Variants in RAD21 observed in about 807,000 individuals in gnomAD.
RAD21 encodes RAD21 cohesin complex component.
Under a neutral mutation model 71.5 loss-of-function variants are expected in RAD21, and 18 were observed. The observed-to-expected ratio is 0.25, with a 90% confidence interval of 0.17 to 0.37. RAD21 has a LOEUF of 0.37. Among genes scored for constraint, RAD21 ranks in the 10% least tolerant of loss-of-function variants. The pLI is 1.00. For synonymous variants in RAD21, 248 were observed against 254.0 expected (o/e 0.98, Z 0.22); for missense variants, 493 against 769.1 (o/e 0.64, Z 4.25).
intron 13 of RAD21, 194 bp downstream of exon 13, chr8:116,848,752 A>G (rs1812294603): frequency 2.3e-6 from 1 of 433,316 alleles, no homozygotes; most frequent in Admixed American, 4.3e-5. Flanking sequence ...ATTAAAACTT[A>G]AACTATAATA....
chr8:116,873,268 T>TA lies in RAD21; in HGVS notation c.-33+1342dup, dbSNP rs5894356. Among the ~76,000 whole-genome samples the TA allele has an allele frequency of 2.1e-3, 319 of 152,074 alleles. 3 individuals are homozygous for TA. Among genetic ancestry groups the TA allele is most frequent in the Non-Finnish European group, 3.1e-3 (214 of 67,960 alleles). ...TTCTTTTGTAATTCTGACTTGTGTA[T>TA]AAAAAAAAGCACTATGTCTATTAGT... is the stretch of plus-strand genomic sequence containing the variant. On this transcript the variant is annotated intron_variant, in intron 1 of 13. Transcript: ENST00000297338.
At chr8:116,856,358 G>C (rs1360489043) in intron 7 of RAD21, 70 bp from the exon 8 acceptor site, 1 of 1,353,932 alleles carries the variant, frequency 7.4e-7, no homozygotes, top group East Asian at 2.7e-5. Context: ...CCACAAATGG[G>C]GAGGAGAAAA....
intron 13 of RAD21, 76 bp from the exon 14 acceptor site, chr8:116,847,767 G>T: frequency 1.5e-6 from 2 of 1,312,080 alleles, no homozygotes; most frequent in Non-Finnish European, 2.1e-6. Context: ...GATACAGTTT[G>T]AATATTTGTC....
chr8:116,861,143 T>A (rs1346784610), intron 4 of RAD21, among the ~76,000 whole-genome samples: 1 of 151,976 alleles, frequency 6.6e-6, no homozygotes, highest in African/African-American at 2.4e-5. Context: ...ACAAAATAGG[T>A]CATAACTTAC....
intron 1 of RAD21, among the ~76,000 whole-genome samples, chr8:116,873,478 T>A (rs1348798): frequency 0.7 from 106,847 of 152,128 alleles, 38,759 homozygotes; most frequent in African/African-American, 0.89. Context: ...AGACTCGCAC[T>A]GCCCGCTGGC....
intron 3 of RAD21, 115 bp downstream of exon 3, chr8:116,863,015 T>G: frequency 7.5e-7 from 1 of 1,340,560 alleles, no homozygotes; most frequent in Non-Finnish European, 1.0e-6. Context: ...TCCTCGTATT[T>G]CAATTAAAAC....
intron 5 of RAD21, 77 bp downstream of exon 5, chr8:116,858,275 T>A: frequency 9.0e-7 from 1 of 1,111,082 alleles, no homozygotes; most frequent in African/African-American, 1.6e-5. Flanking sequence ...GTCTATAGTC[T>A]GGTTTTCTTT....
rs749653916 is a variant in RAD21 at position 116,850,736 on chromosome 8, G to C, written c.1502C>G (p.Pro501Arg). Reference sequence around the variant, plus strand: ...AGGTTCTTCTGGGGGAAGCTCTACAGGTGGTATTTCCATCTGCTCTACCTG... The same window carrying C: ...AGGTTCTTCTGGGGGAAGCTCTACACGTGGTATTTCCATCTGCTCTACCTG... Reference protein sequence around the residue: ...PQQVEQMEIPPVELPPEEPPN... With the variant: ...PQQVEQMEIPRVELPPEEPPN... The change falls in exon 12 of 14, where the codon CCT becomes CGT. Residue 501 changes from proline (P) to arginine (R), a missense_variant. Pro to Arg is a moderately radical substitution (Grantham distance 103). Transcript: ENST00000297338. 6.2e-7 allele frequency: 1 copy of C among 1,612,592 alleles called. No individual in the cohort carries two copies. Among genetic ancestry groups the C allele is most frequent in the South Asian group, 1.1e-5 (1 of 91,040 alleles).
chr8:116,861,122 C>G (rs1812584120), intron 4 of RAD21, among the ~76,000 whole-genome samples: 1 of 152,056 alleles, frequency 6.6e-6, no homozygotes, highest in Admixed American at 6.6e-5. Context: ...CTAATCAACA[C>G]ACATGCAGTA....
At chr8:116,874,344 G>GGCGCCGT in intron 1 of RAD21, 1 of 162,510 alleles carries the variant, frequency 6.2e-6, no homozygotes, top group South Asian at 1.7e-4. Context: ...TCTCAGAATG[G>GGCGCCGT]ATCAGAATCA....
chr8:116,860,872 T>C (rs1409898600), intron 4 of RAD21, among the ~76,000 whole-genome samples: 1 of 152,116 alleles, frequency 6.6e-6, no homozygotes, highest in Non-Finnish European at 1.5e-5. Context: ...ACAGATGAAA[T>C]AAGATTATTG....
At chr8:116,850,483 G>T (rs1812326329) in intron 12 of RAD21, 135 bp downstream of exon 12, 1 of 1,377,664 alleles carries the variant, frequency 7.3e-7, no homozygotes, top group South Asian at 1.4e-5. Context: ...GAAGAATATG[G>T]TAAAATTTTG....
intron 4 of RAD21, among the ~76,000 whole-genome samples, chr8:116,858,995 A>G (rs1812528596): frequency 6.6e-6 from 1 of 152,068 alleles, no homozygotes; most frequent in African/African-American, 2.4e-5. Flanking sequence ...GCAAGGAAAA[A>G]AAAAATAGGA....
intron 4 of RAD21, among the ~76,000 whole-genome samples, chr8:116,859,664 C>A (rs914577850): frequency 1.2e-4 from 19 of 152,060 alleles, no homozygotes; most frequent in African/African-American, 4.3e-4. Flanking sequence ...TCCCCCACCC[C>A]CGCAATGTTT....
chr8:116,866,194 T>C (rs976049822), intron 2 of RAD21, among the ~76,000 whole-genome samples: 6 of 151,940 alleles, frequency 3.9e-5, no homozygotes, highest in African/African-American at 1.5e-4. Flanking sequence ...ATATAATATG[T>C]AGCCTTTTTA....
chr8:116,872,895 AG>A (rs1174493534), intron 1 of RAD21, among the ~76,000 whole-genome samples: 2 of 152,234 alleles, frequency 1.3e-5, no homozygotes, highest in African/African-American at 4.8e-5. Flanking sequence ...TTTTACAATC[AG>A]ACAGTCGTAG....
intron 11 of RAD21, chr8:116,851,119 C>T (rs1449552378): frequency 1.9e-5 from 3 of 156,872 alleles, no homozygotes; most frequent in Non-Finnish European, 2.8e-5. Flanking sequence ...GAATGTCTCA[C>T]GGCAGCAAAT....
At chr8:116,857,242 T>C in intron 6 of RAD21, 25 bp downstream of exon 6, 1 of 1,569,502 alleles carries the variant, frequency 6.4e-7, no homozygotes, top group Non-Finnish European at 8.7e-7. Flanking sequence ...CTGTTTATGC[T>C]GGAATAACCA....
intron 1 of RAD21, 187 bp from the exon 2 acceptor site, chr8:116,866,948 GA>G (rs941878102): frequency 6.6e-4 from 246 of 372,622 alleles, no homozygotes; most frequent in East Asian, 1.1e-3. Flanking sequence ...TTTGAGAGAG[GA>G]AAAAAAAATA....
Sources: allele counts gnomAD v4.1 joint callset (sites outside exome capture counted in the v4.1 genomes callset), GRCh38; gene constraint gnomAD v4.1.1; transcripts MANE v1.5; gene names NCBI Gene and HGNC (gene_info 2026-07-23, HGNC 2026-07-21).